PDIA5: variants seen among roughly 807,000 people sequenced by gnomAD.
PDIA5 encodes protein disulfide-isomerase A5.
Under a neutral mutation model 77.6 loss-of-function variants are expected in PDIA5, and 58 were observed. That is an observed-to-expected ratio of 0.75 (90% CI 0.61 to 0.93). The LOEUF is 0.93. Among genes scored for constraint, PDIA5 ranks in the 40% least tolerant of loss-of-function variants. The pLI is 0.00. For missense variants in PDIA5, 630 were observed against 647.7 expected, an observed-to-expected ratio of 0.97 and a Z score of 0.30; for synonymous variants, 250 against 252.1, an observed-to-expected ratio of 0.99 and a Z score of 0.08.
At chr3:123,086,852 T>C (rs1482840178) in intron 1 of PDIA5, among the ~76,000 whole-genome samples, 2 of 152,224 alleles carry the variant, frequency 1.3e-5, no homozygotes, top group African/African-American at 4.8e-5. Flanking sequence ...ATACATCTGA[T>C]ATTTTCATCT....
intron 8 of PDIA5, among the ~76,000 whole-genome samples, chr3:123,123,702 G>A (rs528254775): frequency 2.6e-5 from 4 of 152,322 alleles, no homozygotes; most frequent in Non-Finnish European, 5.9e-5. Context: ...AGAGAAATAG[G>A]CGTAACACAT....
At chr3:123,089,413 G>A (rs1934230154) in intron 2 of PDIA5, 119 bp downstream of exon 2, 1 of 942,766 alleles carries the variant, frequency 1.1e-6, no homozygotes, top group African/African-American at 1.6e-5. Flanking sequence ...AAGGGACATG[G>A]GGTTTGTCAC....
intron 1 of PDIA5, among the ~76,000 whole-genome samples, chr3:123,080,816 T>C (rs549122692): frequency 6.6e-6 from 1 of 152,292 alleles, no homozygotes; most frequent in East Asian, 1.9e-4. Flanking sequence ...ATTTCACCCA[T>C]GCAGAAGCCT....
chr3:123,149,001 A>G (rs1935827486), intron 13 of PDIA5, among the ~76,000 whole-genome samples: 1 of 152,242 alleles, frequency 6.6e-6, no homozygotes. Context: ...CTGGGGAGGC[A>G]GTGTTCAGGG....
At chr3:123,143,184 G>T (rs1399836285) in intron 11 of PDIA5, among the ~76,000 whole-genome samples, 1 of 151,732 alleles carries the variant, frequency 6.6e-6, no homozygotes, top group African/African-American at 2.4e-5. Context: ...AGGAGATCGA[G>T]ACCATCCTGG....
chr3:123,073,193 C>T (rs892845088), intron 1 of PDIA5, among the ~76,000 whole-genome samples: 1 of 152,192 alleles, frequency 6.6e-6, no homozygotes, highest in East Asian at 1.9e-4. Flanking sequence ...CCCCATGTAA[C>T]TTGGTGAGGT....
chr3:123,086,211 T>C (rs539834487), intron 1 of PDIA5, among the ~76,000 whole-genome samples: 43 of 152,394 alleles, frequency 2.8e-4, no homozygotes, highest in African/African-American at 1.0e-3. Flanking sequence ...TATATTATGG[T>C]AACTGATACT....
chr3:123,137,757 A>G (rs949304831), intron 11 of PDIA5, among the ~76,000 whole-genome samples: 2 of 152,186 alleles, frequency 1.3e-5, no homozygotes, highest in Non-Finnish European at 2.9e-5. Flanking sequence ...GCTGTCCCAG[A>G]GGCCACAGCC....
intron 11 of PDIA5, among the ~76,000 whole-genome samples, chr3:123,137,562 A>G (rs960624137): frequency 1.3e-5 from 2 of 152,210 alleles, no homozygotes; most frequent in African/African-American, 2.4e-5. Context: ...CACACTTACT[A>G]TGGATCAGGC....
intron 11 of PDIA5, among the ~76,000 whole-genome samples, chr3:123,142,611 A>T (rs1396681108): frequency 6.6e-6 from 1 of 152,250 alleles, no homozygotes; most frequent in East Asian, 1.9e-4. Flanking sequence ...CACTTTGATC[A>T]TGATCTCCAC....
intron 8 of PDIA5, among the ~76,000 whole-genome samples, chr3:123,118,432 C>T (rs1935041606): frequency 1.3e-5 from 2 of 152,180 alleles, no homozygotes; most frequent in African/African-American, 4.8e-5. Flanking sequence ...AGGTAAGCAG[C>T]TCAGCCCCAA....
chr3:123,146,912 C>T (rs1317038593), intron 13 of PDIA5, among the ~76,000 whole-genome samples: 7 of 152,158 alleles, frequency 4.6e-5, no homozygotes, highest in African/African-American at 9.7e-5. Context: ...CAGGTTCAAG[C>T]GATTCTCCTG....
chr3:123,116,237 G>A lies in PDIA5; in HGVS notation c.548G>A (p.Ser183Asn). The A allele has an allele frequency of 6.2e-7, 1 of 1,613,966 alleles. No homozygotes were observed. Among genetic ancestry groups the A allele is most frequent in the Non-Finnish European group, 8.5e-7 (1 of 1,179,894 alleles). Reference protein sequence around the residue: ...LLIMFYAPWCSMCKRMMPHFQ... With the variant: ...LLIMFYAPWCNMCKRMMPHFQ... ...CTCTCCTGCCTGTGACCAGGGTGCA[G>A]CATGTGCAAGAGGATGATGCCGCAT... Residue 183 changes from serine (S) to asparagine (N), a missense_variant, in exon 8 of 17, where the codon AGC becomes AAC. Coordinates refer to ENST00000316218, the MANE Select transcript of PDIA5 (RefSeq NM_006810.4).
At chr3:123,125,547 C>T (rs2107960744) in intron 10 of PDIA5, among the ~76,000 whole-genome samples, 1 of 152,248 alleles carries the variant, frequency 6.6e-6, no homozygotes, top group East Asian at 1.9e-4. Flanking sequence ...TTATTGACAT[C>T]ATTACCTTAG....
intron 11 of PDIA5, among the ~76,000 whole-genome samples, chr3:123,131,747 A>G (rs192892320): frequency 6.6e-6 from 1 of 152,070 alleles, no homozygotes; most frequent in East Asian, 1.9e-4. Context: ...TTTCTGGAGC[A>G]GTGTCTTCCT....
intron 6 of PDIA5, among the ~76,000 whole-genome samples, chr3:123,107,989 G>A (rs1236619331): frequency 2.0e-5 from 3 of 151,980 alleles, no homozygotes; most frequent in Non-Finnish European, 4.4e-5. Context: ...TGTAGTGATG[G>A]GCTATCACTG....
intron 12 of PDIA5, among the ~76,000 whole-genome samples, 162 bp from the exon 13 acceptor site, chr3:123,145,937 A>G (rs1169591371): frequency 5.3e-5 from 8 of 150,118 alleles, no homozygotes; most frequent in Non-Finnish European, 1.5e-5. Flanking sequence ...GGCCGTGCCA[A>G]TGTTCAGTTG....
At chr3:123,096,108 C>T (rs1207703153) in intron 3 of PDIA5, among the ~76,000 whole-genome samples, 2 of 152,082 alleles carry the variant, frequency 1.3e-5, no homozygotes, top group Non-Finnish European at 2.9e-5. Context: ...CTGAGGTTCT[C>T]TCCTGTCTCC....
At chr3:123,110,828 C>T (rs1030611795) in intron 6 of PDIA5, 116 bp from the exon 7 acceptor site, 2 of 880,204 alleles carry the variant, frequency 2.3e-6, no homozygotes, top group Non-Finnish European at 3.9e-6. Context: ...TGCTCACTCC[C>T]CCTCCCCTCC....
Sources: allele counts gnomAD v4.1 joint callset (sites outside exome capture counted in the v4.1 genomes callset), GRCh38; gene constraint gnomAD v4.1.1; transcripts MANE v1.5; gene names NCBI Gene and HGNC (gene_info 2026-07-23, HGNC 2026-07-21).